Variants in SPATA17 observed in about 807,000 individuals in gnomAD.
SPATA17 encodes the protein spermatogenesis-associated protein 17.
Under a neutral mutation model 62.2 loss-of-function variants are expected in SPATA17, and 53 were observed. That is an observed-to-expected ratio of 0.85 (90% confidence interval 0.68 to 1.07). SPATA17 has a LOEUF of 1.07. Ranked by LOEUF, SPATA17 falls within the 50% of genes least tolerant of loss-of-function variation. The probability of loss-of-function intolerance (pLI) is 0.00; values close to 1 mark genes in which losing one functional copy is unlikely to be tolerated. For missense variants in SPATA17, 466 were observed against 425.5 expected, an observed-to-expected ratio of 1.10 and a Z score of -0.84; for synonymous variants, 146 against 146.8, an observed-to-expected ratio of 0.99 and a Z score of 0.04.
chr1:217,639,523 G>A (rs1670009869), intron 1 of SPATA17, among the ~76,000 whole-genome samples: 2 of 151,986 alleles, frequency 1.3e-5, no homozygotes, highest in South Asian at 2.1e-4. Flanking sequence ...AGACAACAAT[G>A]AGCAATTCTA....
chr1:217,671,264 T>G (rs1670826315), intron 4 of SPATA17, among the ~76,000 whole-genome samples: 1 of 152,168 alleles, frequency 6.6e-6, no homozygotes, highest in Non-Finnish European at 1.5e-5. Context: ...AACATTGGCC[T>G]GCATGTAGCA....
chr1:217,848,552 G>A (rs1675577532), intron 9 of SPATA17, among the ~76,000 whole-genome samples: 1 of 151,888 alleles, frequency 6.6e-6, no homozygotes, highest in Non-Finnish European at 1.5e-5. Flanking sequence ...TTCTCCATTT[G>A]CATAATTTTC....
chr1:217,820,408 T>C (rs577156566), intron 9 of SPATA17, among the ~76,000 whole-genome samples: 9 of 152,020 alleles, frequency 5.9e-5, no homozygotes, highest in Non-Finnish European at 1.3e-4. Flanking sequence ...TCTACAAGAA[T>C]GGCAGTGGAT....
chr1:217,640,582 T>C (rs974151753), intron 1 of SPATA17, among the ~76,000 whole-genome samples: 11 of 152,118 alleles, frequency 7.2e-5, no homozygotes, highest in African/African-American at 2.4e-4. Context: ...GTATTTTATA[T>C]ACAGGATTAT....
chr1:217,844,486 T>G (rs1367639819), intron 9 of SPATA17, among the ~76,000 whole-genome samples: 1 of 152,044 alleles, frequency 6.6e-6, no homozygotes, highest in Non-Finnish European at 1.5e-5. Context: ...AAAATGAGTG[T>G]CCTTCTTTCC....
intron 9 of SPATA17, among the ~76,000 whole-genome samples, chr1:217,814,365 C>T (rs941194940): frequency 6.6e-6 from 1 of 152,126 alleles, no homozygotes; most frequent in Non-Finnish European, 1.5e-5. Flanking sequence ...ACATTTCCGT[C>T]GGAGGTCTGT....
At chr1:217,818,670 T>C (rs1415923992) in intron 9 of SPATA17, among the ~76,000 whole-genome samples, 1 of 151,974 alleles carries the variant, frequency 6.6e-6, no homozygotes, top group Non-Finnish European at 1.5e-5. Flanking sequence ...TAGTTTAAAA[T>C]TTTTCAGGTA....
At chr1:217,723,475 A>G (rs996404134) in intron 5 of SPATA17, among the ~76,000 whole-genome samples, 21 of 152,166 alleles carry the variant, frequency 1.4e-4, no homozygotes, top group African/African-American at 5.1e-4. Flanking sequence ...TTTCTTTTGT[A>G]TACTTCCGTA....
chr1:217,723,350 G>A (rs1215465434), intron 5 of SPATA17, among the ~76,000 whole-genome samples: 2 of 151,964 alleles, frequency 1.3e-5, no homozygotes, highest in Non-Finnish European at 2.9e-5. Flanking sequence ...TCCCAAAGTC[G>A]GGGGCCCATA....
chr1:217,808,288 G>A (rs913421718), intron 9 of SPATA17, among the ~76,000 whole-genome samples: 1 of 151,876 alleles, frequency 6.6e-6, no homozygotes, highest in Non-Finnish European at 1.5e-5. Flanking sequence ...CTTTAGCTCA[G>A]TGATCCCCAG....
chr1:217,867,529 T>C lies in SPATA17; in HGVS notation c.*510T>C, dbSNP rs1033092270. On this transcript the variant is annotated 3_prime_UTR_variant, in exon 11 of 11. Coordinates refer to ENST00000366933, the MANE Select transcript of SPATA17 (RefSeq NM_138796.4). ...ACACACAGACACAACAGACACAGAC[T>C]AGTGGGTGTGGGAGCAGAAGCATAG... 14 of 152,150 alleles carry C rather than the reference T, an allele frequency of 9.2e-5. No homozygotes were observed. 9.4% of individuals were successfully genotyped at this position (152,150 alleles called of 1,614,324 possible).
chr1:217,687,201 C>T (rs992377942), intron 5 of SPATA17, among the ~76,000 whole-genome samples: 4 of 152,052 alleles, frequency 2.6e-5, no homozygotes, highest in Non-Finnish European at 4.4e-5. Flanking sequence ...GATTCGTTTC[C>T]ATGTATAATA....
At chr1:217,785,814 TTAAAA>T (rs1463692305) in intron 8 of SPATA17, among the ~76,000 whole-genome samples, 17 of 152,138 alleles carry the variant, frequency 1.1e-4, no homozygotes, top group African/African-American at 4.1e-4. Flanking sequence ...CATATCTTCT[TTAAAA>T]TAAACATAGC....
At chr1:217,702,273 T>C (rs1412624116) in intron 5 of SPATA17, among the ~76,000 whole-genome samples, 1 of 152,186 alleles carries the variant, frequency 6.6e-6, no homozygotes, top group Non-Finnish European at 1.5e-5. Context: ...TAACACAGAA[T>C]TGATATATAT....
intron 5 of SPATA17, among the ~76,000 whole-genome samples, chr1:217,722,050 C>T (rs1306726499): frequency 6.6e-6 from 1 of 152,160 alleles, no homozygotes; most frequent in Non-Finnish European, 1.5e-5. Flanking sequence ...CTTTTTCCAG[C>T]TCCTCTTCCA....
At chr1:217,772,433 T>C (rs1314313686) in intron 6 of SPATA17, among the ~76,000 whole-genome samples, 1 of 152,182 alleles carries the variant, frequency 6.6e-6, no homozygotes, top group Non-Finnish European at 1.5e-5. Flanking sequence ...TTGTATCCAA[T>C]AAAATTTAGT....
intron 3 of SPATA17, among the ~76,000 whole-genome samples, chr1:217,664,289 C>CTTTTTT: frequency 1.3e-5 from 1 of 75,798 alleles, no homozygotes. Context: ...TGTTAAAAAT[C>CTTTTTT]TTTTTTTTTT....
At chr1:217,693,234 C>T (rs1223313468) in intron 5 of SPATA17, among the ~76,000 whole-genome samples, 5 of 148,064 alleles carry the variant, frequency 3.4e-5, no homozygotes, top group African/African-American at 5.0e-5. Flanking sequence ...GTGTATGTGT[C>T]GAGGAATGTA....
chr1:217,780,968 C>T (rs188177067), intron 7 of SPATA17, among the ~76,000 whole-genome samples: 85 of 152,100 alleles, frequency 5.6e-4, no homozygotes, highest in African/African-American at 2.0e-3. Flanking sequence ...AAAAAGAAGT[C>T]CCATTTGATT....
Sources: gnomAD v4.1 joint callset for allele counts (sites outside exome capture counted in the v4.1 genomes callset) on GRCh38, gnomAD v4.1.1 for gene constraint, MANE v1.5 for transcripts, NCBI Gene and HGNC (gene_info 2026-07-23, HGNC 2026-07-21) for gene names.